SLC6A13: variants seen among roughly 807,000 people sequenced by gnomAD.
The protein encoded by SLC6A13 is sodium- and chloride-dependent GABA transporter 2.
A neutral mutation model predicts 72.9 loss-of-function variants in SLC6A13; 69 were observed. That is an observed-to-expected ratio of 0.95 (90% CI 0.78 to 1.16). The LOEUF is 1.16. SLC6A13 is among the 50% of genes most tolerant of loss of function. The pLI is 0.00. For synonymous variants in SLC6A13, 303 were observed against 303.0 expected (o/e 1.00, Z 0.00); for missense variants, 735 against 760.5 (o/e 0.97, Z 0.39).
intron 7 of SLC6A13, among the ~76,000 whole-genome samples, chr12:232,838 C>T (rs11615492): frequency 0.11 from 16,460 of 152,260 alleles, 989 homozygotes; most frequent in African/African-American, 0.15. Flanking sequence ...AGCGTCCCAG[C>T]AGAGCTCAGG....
chr12:247,499 T>C (rs529964994), intron 2 of SLC6A13, among the ~76,000 whole-genome samples: 100 of 152,228 alleles, frequency 6.6e-4, no homozygotes, highest in Non-Finnish European at 1.3e-3. Context: ...CCAGCAATAA[T>C]ACTGTTCAAA....
chr12:245,686 A>G (rs1199697272), intron 2 of SLC6A13, among the ~76,000 whole-genome samples: 2 of 150,946 alleles, frequency 1.3e-5, no homozygotes, highest in Middle Eastern at 3.4e-3. Context: ...TCGCAAAAAA[A>G]AAAGAAAGAA....
At chr12:241,377 G>A (rs1465612377) in intron 4 of SLC6A13, among the ~76,000 whole-genome samples, 4 of 152,190 alleles carry the variant, frequency 2.6e-5, no homozygotes, top group Non-Finnish European at 5.9e-5. Context: ...CTAGGGCCTT[G>A]TTGACTGGTG....
intron 3 of SLC6A13, among the ~76,000 whole-genome samples, chr12:243,403 A>G (rs1942239055): frequency 6.6e-6 from 1 of 152,246 alleles, no homozygotes; most frequent in African/African-American, 2.4e-5. Context: ...CTTAAAATAC[A>G]ACAACATTGT....
intron 2 of SLC6A13, among the ~76,000 whole-genome samples, chr12:246,955 C>T (rs1184570943): frequency 6.8e-6 from 1 of 146,032 alleles, no homozygotes; most frequent in Non-Finnish European, 1.5e-5. Context: ...TTGCAGTGAG[C>T]TGAGATCATA....
intron 8 of SLC6A13, among the ~76,000 whole-genome samples, chr12:227,132 G>A (rs999685814): frequency 1.6e-4 from 24 of 152,134 alleles, no homozygotes; most frequent in African/African-American, 5.6e-4. Flanking sequence ...TGCACAGTAG[G>A]ACCTCACTTC....
At chr12:259,647 G>T (rs530202538) in intron 2 of SLC6A13, 2 of 1,435,438 alleles carry the variant, frequency 1.4e-6, no homozygotes, top group Non-Finnish European at 1.8e-6. Context: ...ACGATGCCAC[G>T]TTATAATAGA....
intron 12 of SLC6A13, 121 bp from the exon 13 acceptor site, chr12:222,753 T>G (rs937389127): frequency 1.1e-5 from 7 of 623,402 alleles, no homozygotes; most frequent in Admixed American, 3.0e-5. Context: ...ACATCACAGC[T>G]GTCTGTTCAA....
intron 3 of SLC6A13, 33 bp from the exon 4 acceptor site, chr12:242,787 G>T (rs369373853): frequency 6.4e-7 from 1 of 1,553,498 alleles, no homozygotes; most frequent in Non-Finnish European, 8.7e-7. Context: ...GGCTAGGAAC[G>T]GTGGACAGCG....
At chr12:233,671 G>A (rs868265758) in intron 7 of SLC6A13, among the ~76,000 whole-genome samples, 3 of 150,912 alleles carry the variant, frequency 2.0e-5, no homozygotes, top group South Asian at 4.2e-4. Flanking sequence ...ATAAATGTAC[G>A]AAGCGGGTGG....
intron 13 of SLC6A13, among the ~76,000 whole-genome samples, chr12:222,282 C>T (rs1025024650): frequency 1.9e-4 from 29 of 152,212 alleles, no homozygotes; most frequent in Admixed American, 3.3e-4. Flanking sequence ...TGGCCTGTGA[C>T]GTTAGACTCA....
At chr12:221,247 C>G (rs1941196061) in intron 14 of SLC6A13, 129 bp downstream of exon 14, 4 of 1,288,738 alleles carry the variant, frequency 3.1e-6, no homozygotes, top group Non-Finnish European at 4.2e-6. Flanking sequence ...CTCTATCGCT[C>G]CCTGACACCC....
chr12:251,088 G>A (rs1417313597), intron 2 of SLC6A13, among the ~76,000 whole-genome samples: 1 of 151,638 alleles, frequency 6.6e-6, no homozygotes, highest in South Asian at 2.1e-4. Context: ...CCCGGGAGGC[G>A]GAGCTTGCAA....
chr12:223,236 T>G lies in SLC6A13; in HGVS notation c.1312-2A>C. The G allele has an allele frequency of 5.0e-6, 8 of 1,586,816 alleles. No individual in the cohort carries two copies. Among genetic ancestry groups the G allele is most frequent in the Non-Finnish European group, 6.9e-6 (8 of 1,156,466 alleles). On this transcript the variant is annotated splice_acceptor_variant, in intron 11 of 14. Transcript: ENST00000343164. LOFTEE classifies it high-confidence loss of function. ...GAGCTGGAACACGTACATTCCGCCC[T>G]GCATGGGAGGAGATTATTTTAAAAA... is the stretch of plus-strand genomic sequence containing the variant.
chr12:248,392 A>C (rs946715728), intron 2 of SLC6A13, among the ~76,000 whole-genome samples: 1 of 138,380 alleles, frequency 7.2e-6, no homozygotes, highest in African/African-American at 2.7e-5. Flanking sequence ...CGACAGCAAG[A>C]CTCCGTCTCG....
At chr12:244,179 G>A (rs1942268373) in intron 2 of SLC6A13, among the ~76,000 whole-genome samples, 1 of 152,224 alleles carries the variant, frequency 6.6e-6, no homozygotes, top group Admixed American at 6.5e-5. Flanking sequence ...TTCAAAGAAA[G>A]CATTGCTCTT....
At chr12:258,303 A>G (rs551445756) in intron 2 of SLC6A13, among the ~76,000 whole-genome samples, 1 of 152,108 alleles carries the variant, frequency 6.6e-6, no homozygotes, top group Non-Finnish European at 1.5e-5. Flanking sequence ...ACCAGACTCC[A>G]TGGGCCCAGG....
intron 7 of SLC6A13, among the ~76,000 whole-genome samples, chr12:234,817 C>T (rs1196212933): frequency 6.6e-6 from 1 of 152,212 alleles, no homozygotes; most frequent in African/African-American, 2.4e-5. Context: ...TGTGCCTGGC[C>T]TCCTTTACTT....
intron 13 of SLC6A13, among the ~76,000 whole-genome samples, 191 bp from the exon 14 acceptor site, chr12:221,737 T>G (rs1241237391): frequency 6.6e-6 from 1 of 152,174 alleles, no homozygotes; most frequent in Non-Finnish European, 1.5e-5. Flanking sequence ...CAGTGTACTC[T>G]GTCACTCCAG....
Sources: allele counts gnomAD v4.1 joint callset (sites outside exome capture counted in the v4.1 genomes callset), GRCh38; gene constraint gnomAD v4.1.1; transcripts MANE v1.5; gene names NCBI Gene and HGNC (gene_info 2026-07-23, HGNC 2026-07-21).